FRMPD1: variants seen among roughly 807,000 people sequenced by gnomAD.
The protein encoded by FRMPD1 is FERM and PDZ domain-containing protein 1.
FRMPD1 carries 76 observed loss-of-function variants against 117.8 expected under a neutral mutation model. The ratio of observed to expected loss-of-function variants is 0.65; its 90% CI spans 0.54 to 0.78. FRMPD1 has a LOEUF of 0.78. Ranked by LOEUF, FRMPD1 falls within the 30% of genes least tolerant of loss-of-function variation. The probability of loss-of-function intolerance (pLI) is 0.00; values close to 1 mark genes in which losing one functional copy is unlikely to be tolerated. For missense variants in FRMPD1, 1,786 were observed against 1,964.5 expected (o/e 0.91, Z 1.72); for synonymous variants, 783 against 770.4 (o/e 1.02, Z -0.27).
rs61521469 is a variant in FRMPD1, at chr9:37,696,051, CTTTTT to C, written c.101+3329_101+3333del. On this transcript the variant is annotated intron_variant, in intron 2 of 15. Coordinates refer to ENST00000377765, the MANE Select transcript of FRMPD1 (RefSeq NM_014907.3). ...TTGCTCACCGTTCTCCATTGTTTTG[CTTTTT>C]TTTTTTTTTTTTTTTTTTTAATATC... Among the ~76,000 whole-genome samples the C allele has an allele frequency of 7.2e-3, 563 of 78,110 alleles. 12 individuals are homozygous for C. Among genetic ancestry groups the C allele is most frequent in the East Asian group, 0.056 (161 of 2,900 alleles). The allele number at this position is 78,110 out of a possible 152,430, so 51.2% of individuals were successfully genotyped here.
chr9:37,649,631 T>C (rs1286678617), upstream of FRMPD1, among the ~76,000 whole-genome samples: 1 of 152,178 alleles, frequency 6.6e-6, no homozygotes, highest in African/African-American at 2.4e-5. Flanking sequence ...GGCTCCAAAG[T>C]GCTGCTAGTC....
intron 1 of FRMPD1, among the ~76,000 whole-genome samples, chr9:37,671,031 C>T (rs1438668151): frequency 6.6e-6 from 1 of 152,136 alleles, no homozygotes; most frequent in African/African-American, 2.4e-5. Context: ...TTCTTTCTTC[C>T]TTCTTTTCTT....
At chr9:37,665,761 C>T (rs538218016) in intron 1 of FRMPD1, among the ~76,000 whole-genome samples, 2 of 152,276 alleles carry the variant, frequency 1.3e-5, no homozygotes, top group African/African-American at 4.8e-5. Flanking sequence ...CTACCTAATG[C>T]ACTTTGCTCC....
chr9:37,685,986 A>G (rs1183758869), intron 1 of FRMPD1, among the ~76,000 whole-genome samples: 1 of 152,234 alleles, frequency 6.6e-6, no homozygotes, highest in East Asian at 1.9e-4. Context: ...TAAAATAGCT[A>G]TCACCTTGAC....
the FRMPD1 span, among the ~76,000 whole-genome samples, chr9:37,605,756 C>T: frequency 6.6e-6 from 1 of 151,396 alleles, no homozygotes; most frequent in African/African-American, 2.4e-5. Flanking sequence ...ACTCTGTCAC[C>T]CAGGCTGGAG....
chr9:37,615,281 T>G, the FRMPD1 span, among the ~76,000 whole-genome samples: 4 of 152,038 alleles, frequency 2.6e-5, no homozygotes, highest in African/African-American at 9.7e-5. Context: ...CTAATTTTTT[T>G]GTATTTTTTG....
Position 37,736,853 on chromosome 9 carries a change from G to A in FRMPD1, c.1402-243G>A, listed in dbSNP as rs944423709. On this transcript the variant is annotated intron_variant, in intron 13 of 15. Coordinates refer to ENST00000377765, the MANE Select transcript of FRMPD1 (RefSeq NM_014907.3). ...TGTGTGTGAGTGAGTGTGTGAGTGC[G>A]TGAGAGTGTGTGTGTGTGTGTGTGT... Among the ~76,000 whole-genome samples, 8 of 143,992 alleles carry A rather than the reference G, an allele frequency of 5.6e-5. No individual in the cohort carries two copies. In the South Asian group the frequency reaches 6.9e-4, roughly 12 times the overall value. 94.5% of individuals were successfully genotyped at this position (143,992 alleles called of 152,430 possible).
intron 15 of FRMPD1, among the ~76,000 whole-genome samples, chr9:37,742,768 G>A (rs1379262551): frequency 4.6e-5 from 7 of 152,112 alleles, no homozygotes; most frequent in African/African-American, 7.2e-5. Context: ...GCATGGTGGC[G>A]TGCACCTGTA....
At chr9:37,712,416 C>T (rs928287522) in intron 5 of FRMPD1, among the ~76,000 whole-genome samples, 1 of 152,126 alleles carries the variant, frequency 6.6e-6, no homozygotes, top group Non-Finnish European at 1.5e-5. Context: ...AGTGCAATGG[C>T]GTGATCTCAG....
intron 15 of FRMPD1, among the ~76,000 whole-genome samples, chr9:37,741,363 T>G (rs373649069): frequency 1.3e-5 from 2 of 151,184 alleles, no homozygotes; most frequent in Non-Finnish European, 2.9e-5. Flanking sequence ...GTAGGGGATC[T>G]GGTGGCTGTG....
intron 13 of FRMPD1, 151 bp downstream of exon 13, chr9:37,735,885 G>A (rs578189546): frequency 3.6e-5 from 22 of 610,302 alleles, no homozygotes; most frequent in African/African-American, 5.6e-5. Flanking sequence ...TCTATCAAAC[G>A]GAAAGTGGTA....
Position 37,740,697 on chromosome 9 carries a change from C to T in FRMPD1, c.2169C>T (p.Ser723=), listed in dbSNP as rs764877495. 86 of 1,613,948 alleles carry T rather than the reference C, an allele frequency of 5.3e-5. No homozygotes were observed. Among genetic ancestry groups the T allele is most frequent in the Non-Finnish European group, 7.0e-5 (83 of 1,180,004 alleles). Residue 723 remains serine (S), a synonymous_variant, in exon 15 of 16, where the codon TCC becomes TCT. Transcript: ENST00000377765. The surrounding 1 kb of genome is among the most constrained non-coding windows in gnomAD (Gnocchi z 4.2). ...VSPASYLSDS[S]ESTASRQGGA... ...CGGCCAGCTACCTGAGTGACAGTTCCGAGAGTACAGCTTCCCGGCAAGGGG... is the reference window on the plus strand; with the variant it reads ...CGGCCAGCTACCTGAGTGACAGTTCTGAGAGTACAGCTTCCCGGCAAGGGG...
At chr9:37,706,431 T>C (rs560753170) in intron 2 of FRMPD1, among the ~76,000 whole-genome samples, 2 of 152,186 alleles carry the variant, frequency 1.3e-5, no homozygotes, top group Non-Finnish European at 2.9e-5. Context: ...TGATAGACCT[T>C]AACCGCAGAG....
Position 37,717,828 on chromosome 9 carries a change from A to C in FRMPD1, c.409-1241A>C, listed in dbSNP as rs149491760. On this transcript the variant is annotated intron_variant, in intron 5 of 15. Coordinates refer to ENST00000377765, the MANE Select transcript of FRMPD1 (RefSeq NM_014907.3). Reference sequence around the variant, plus strand: ...TTCCGTGGATGATACCAACTGTTACATATTATAGGTCCACAAGCCCCCTAG... The same window carrying C: ...TTCCGTGGATGATACCAACTGTTACCTATTATAGGTCCACAAGCCCCCTAG... Among the ~76,000 whole-genome samples the C allele has an allele frequency of 3.9e-5, 6 of 152,262 alleles. No homozygotes were observed. In the East Asian group the frequency reaches 1.2e-3, roughly 29 times the overall value.
chr9:37,633,654 G>T, the FRMPD1 span, among the ~76,000 whole-genome samples: 1 of 152,164 alleles, frequency 6.6e-6, no homozygotes, highest in East Asian at 1.9e-4. Flanking sequence ...GAGCCCAGGA[G>T]TTCAAGACCA....
At chr9:37,638,022 T>TTC in the FRMPD1 span, among the ~76,000 whole-genome samples, 122 of 80,996 alleles carry the variant, frequency 1.5e-3, 7 homozygotes, top group African/African-American at 4.5e-3. Flanking sequence ...CTTTCTTTCT[T>TTC]TCTCTCTCTT....
At chr9:37,611,071 A>C in the FRMPD1 span, among the ~76,000 whole-genome samples, 1 of 152,216 alleles carries the variant, frequency 6.6e-6, no homozygotes, top group Non-Finnish European at 1.5e-5. Flanking sequence ...ATGTAAAAAT[A>C]CGTTTGTAGG....
At chr9:37,633,084 G>C in the FRMPD1 span, among the ~76,000 whole-genome samples, 2 of 150,698 alleles carry the variant, frequency 1.3e-5, no homozygotes, top group African/African-American at 4.9e-5. Context: ...CCCCAGGTAG[G>C]AGTGCAGTGG....
chr9:37,685,910 A>G (rs1821924356), intron 1 of FRMPD1, among the ~76,000 whole-genome samples: 1 of 152,188 alleles, frequency 6.6e-6, no homozygotes, highest in African/African-American at 2.4e-5. Flanking sequence ...AGTTTCCTGA[A>G]GTCTTTTATT....
Sources: allele counts gnomAD v4.1 joint callset (sites outside exome capture counted in the v4.1 genomes callset), GRCh38; gene constraint gnomAD v4.1.1; non-coding constraint Gnocchi (gnomAD v3.1); transcripts MANE v1.5; gene names NCBI Gene and HGNC (gene_info 2026-07-23, HGNC 2026-07-21).